MOV10L1: variants seen among roughly 807,000 people sequenced by gnomAD.
The protein encoded by MOV10L1 is RNA helicase Mov10l1.
In MOV10L1, 110 loss-of-function variants were observed where a neutral mutation model predicts 143.8. The ratio of observed to expected loss-of-function variants is 0.76; its 90% CI spans 0.66 to 0.90. The LOEUF (loss-of-function observed/expected upper bound fraction) is 0.90, where lower values mean the gene tolerates loss of function less well. Among genes scored for constraint, MOV10L1 ranks in the 40% least tolerant of loss-of-function variants. The pLI is 0.00. For missense variants in MOV10L1, 1,406 were observed against 1,526.8 expected (o/e 0.92, Z 1.32); for synonymous variants, 593 against 581.1 (o/e 1.02, Z -0.29).
chr22:50,110,790 G>A, intron 5 of MOV10L1, among the ~76,000 whole-genome samples: 1 of 152,072 alleles, frequency 6.6e-6, no homozygotes, highest in South Asian at 2.1e-4. Context: ...AATTAGCCAG[G>A]CGTGGCAGCG....
rs987580851 is a variant in MOV10L1 at position 50,159,033 on chromosome 22, C to T, written c.3217-645C>T. On this transcript the variant is annotated intron_variant, in intron 23 of 26. Coordinates refer to ENST00000262794, the MANE Select transcript of MOV10L1 (RefSeq NM_018995.3). This position sits in a 1 kb window ranked among gnomAD's most constrained non-coding sequence, Gnocchi z 4.1. ...GCTTGTAGGTGCCATCCTGCTGAGA[C>T]ATCCAGCTTAGAGCTGCCATCCTCA... The T allele has an allele frequency of 5.9e-5, 9 of 152,162 alleles. No individual in the cohort carries two copies. Among genetic ancestry groups the T allele is most frequent in the Admixed American group, 2.0e-4 (3 of 15,276 alleles). 9.4% of individuals were successfully genotyped at this position (152,162 alleles called of 1,614,324 possible).
In MOV10L1 at chr22:50,159,868, C is replaced by T; in HGVS notation, c.3324+83C>T. 2 of 864,892 alleles carry T rather than the reference C, an allele frequency of 2.3e-6. No homozygotes were observed. Among genetic ancestry groups the T allele is most frequent in the East Asian group, 2.5e-5 (1 of 40,112 alleles). The allele number at this position is 864,892 out of a possible 1,614,324, so 53.6% of individuals were successfully genotyped here. On this transcript the variant is annotated intron_variant, in intron 24 of 26. Transcript: ENST00000262794. The surrounding 1 kb of genome is among the most constrained non-coding windows in gnomAD (Gnocchi z 4.1). ...TCTGGGGGCTTCAGATCTAAAGGGG[C>T]AGAGGCTGATTCCCAGCCCAGAGAA...
chr22:50,129,020 C>T (rs909765495), intron 13 of MOV10L1, among the ~76,000 whole-genome samples: 1 of 152,120 alleles, frequency 6.6e-6, no homozygotes, highest in African/African-American at 2.4e-5. Context: ...TGTCTGTTGA[C>T]ATCTAAGTAG....
intron 9 of MOV10L1, among the ~76,000 whole-genome samples, chr22:50,119,212 G>A (rs942022347): frequency 4.6e-5 from 7 of 152,160 alleles, no homozygotes; most frequent in African/African-American, 7.2e-5. Flanking sequence ...GTGTGGGAGC[G>A]TATCTAAAAC....
chr22:50,090,152 G>T lies in MOV10L1; in HGVS notation c.64G>T (p.Glu22Ter). ...GAGGACGGCGGACACCCCTAGGGAG[G>T]AAGCCGGGCAGCTGGAGCCCGAGCT... is the stretch of plus-strand genomic sequence containing the variant. ...FWRTADTPRE[E>*]AGQLEPELAE... Residue 22 changes from glutamate (E) to a stop codon, truncating the protein, a stop_gained, in exon 1 of 27, where the codon GAA becomes TAA. Coordinates refer to ENST00000262794, the MANE Select transcript of MOV10L1 (RefSeq NM_018995.3). LOFTEE classifies it high-confidence loss of function. The T allele has an allele frequency of 7.0e-7, 1 of 1,422,064 alleles. No individual in the cohort carries two copies. The highest frequency in any genetic ancestry group is 9.2e-7 in the Non-Finnish European group (1 of 1,090,044). The allele number at this position is 1,422,064 out of a possible 1,614,324, so 88.1% of individuals were successfully genotyped here.
chr22:50,114,029 C>T (rs1384628001), intron 6 of MOV10L1, among the ~76,000 whole-genome samples: 1 of 151,134 alleles, frequency 6.6e-6, no homozygotes, highest in Non-Finnish European at 1.5e-5. Flanking sequence ...CACCATTCTC[C>T]TGCCTCAGCC....
intron 22 of MOV10L1, 112 bp from the exon 23 acceptor site, chr22:50,157,945 T>A: frequency 7.7e-6 from 10 of 1,290,434 alleles, no homozygotes; most frequent in Non-Finnish European, 1.1e-5. Context: ...AGAGCAGGGA[T>A]TTATTCTGTC....
In MOV10L1 at chr22:50,153,107, G is replaced by A; in HGVS notation, c.2955G>A (p.Leu985=). The change falls in exon 22 of 27, where the codon CTG becomes CTA. Residue 985 remains leucine, a synonymous_variant. Coordinates refer to ENST00000262794, the MANE Select transcript of MOV10L1 (RefSeq NM_018995.3). ...HEALLMLPSR[L]FYHRELEVCA... ...CCCTGCTGATGCTGCCCTCACGGCT[G>A]TTCTACCACAGGGAACTCGAGGTCT... 1.2e-6 allele frequency: 2 copies of A among 1,613,724 alleles called. No homozygotes were observed. Among genetic ancestry groups the A allele is most frequent in the Non-Finnish European group, 1.7e-6 (2 of 1,179,624 alleles).
At position 50,152,303 on chromosome 22, in the gene MOV10L1, C is replaced by T. The variant is rs2063322292; in HGVS notation, c.2893-742C>T. The stretch of plus-strand genomic sequence containing the variant: ...ATTGCATAGAGAGGACGGCTCCCCG[C>T]GGCACAGACGCAGCGAGTCCTCATG... On this transcript the variant is annotated intron_variant, in intron 21 of 26. Transcript: ENST00000262794. This position sits in a 1 kb window ranked among gnomAD's most constrained non-coding sequence, Gnocchi z 4.4. Among the ~76,000 whole-genome samples the T allele has an allele frequency of 3.9e-5, 6 of 152,316 alleles. No homozygotes were observed. The South Asian group carries it at 8.3e-4, about 21-fold the overall frequency.
Position 50,113,635 on chromosome 22 carries a change from G to T in MOV10L1, c.744-13G>T. On this transcript the variant is annotated splice_polypyrimidine_tract_variant and intron_variant, in intron 5 of 26. Transcript: ENST00000262794. ...TGCTGCAGAGGGATGTCTTTCTGGGGCTCTTTTTTCAGAGACGCCGCCCCT... is the reference window on the plus strand; with the variant it reads ...TGCTGCAGAGGGATGTCTTTCTGGGTCTCTTTTTTCAGAGACGCCGCCCCT... The T allele has an allele frequency of 6.2e-7, 1 of 1,611,834 alleles. No individual in the cohort carries two copies. Among genetic ancestry groups the T allele is most frequent in the Non-Finnish European group, 8.5e-7 (1 of 1,179,060 alleles).
rs2062664070 is a variant in MOV10L1 at position 50,131,100 on chromosome 22, G to A, written c.1910+2593G>A. On this transcript the variant is annotated intron_variant, in intron 13 of 26. Coordinates refer to ENST00000262794, the MANE Select transcript of MOV10L1 (RefSeq NM_018995.3). ...TTTTTTTTGTATTTTTAGTGAGACG[G>A]GGTTTCACTGTGTTAGCCAGAATGG... 2.0e-5 allele frequency among the ~76,000 whole-genome samples: 3 copies of A among 150,814 alleles called. No individual in the cohort carries two copies. The South Asian group carries it at 6.4e-4, about 32-fold the overall frequency.
chr22:50,123,402 T>C (rs1415109329), intron 10 of MOV10L1, among the ~76,000 whole-genome samples: 1 of 152,180 alleles, frequency 6.6e-6, no homozygotes, highest in Non-Finnish European at 1.5e-5. Context: ...TCTCACTGTG[T>C]TGCCCAGGCT....
At chr22:50,161,165 C>T (rs1167161508) in intron 26 of MOV10L1, 110 bp downstream of exon 26, 4 of 1,226,516 alleles carry the variant, frequency 3.3e-6, no homozygotes, top group Non-Finnish European at 4.7e-6. Flanking sequence ...GCAGCCTTAG[C>T]CCTCTGCCGG....
intron 15 of MOV10L1, 81 bp from the exon 16 acceptor site, chr22:50,142,000 A>G: frequency 9.7e-7 from 1 of 1,033,972 alleles, no homozygotes; most frequent in Non-Finnish European, 1.4e-6. Flanking sequence ...AGAACACTAG[A>G]TGTTTACGTT....
intron 15 of MOV10L1, among the ~76,000 whole-genome samples, chr22:50,138,846 G>A (rs551261774): frequency 2.9e-4 from 44 of 152,178 alleles, no homozygotes; most frequent in Non-Finnish European, 5.9e-4. Flanking sequence ...TGGGATTATA[G>A]GTGCGTGCCA....
At position 50,092,183 on chromosome 22, in the gene MOV10L1, A is replaced by ATGAT; in HGVS notation, c.280_281insTGAT (p.Arg94MetfsTer8). 6.2e-7 allele frequency: 1 copy of ATGAT among 1,612,024 alleles called. No individual in the cohort carries two copies. Among genetic ancestry groups the ATGAT allele is most frequent in the Non-Finnish European group, 8.5e-7 (1 of 1,179,076 alleles). On this transcript the variant is annotated frameshift_variant and splice_region_variant, in exon 2 of 27. Transcript: ENST00000262794. LOFTEE classifies it high-confidence loss of function. ...AGTGTCCAATGGACTGAAAGCAATC[A>ATGAT]GGGTAAGGTTTGAGTTCATTTGGGA...
chr22:50,120,889 GA>G (rs2062321762), intron 10 of MOV10L1, among the ~76,000 whole-genome samples: 1 of 152,220 alleles, frequency 6.6e-6, no homozygotes, highest in Admixed American at 6.5e-5. Context: ...AGAACTGAGG[GA>G]TACCTCTGCC....
chr22:50,119,016 G>T (rs1271888295), intron 9 of MOV10L1, among the ~76,000 whole-genome samples: 1 of 152,186 alleles, frequency 6.6e-6, no homozygotes, highest in Non-Finnish European at 1.5e-5. Flanking sequence ...GCCAGGCAGA[G>T]CAGAGTCCCC....
At position 50,160,676 on chromosome 22, in the gene MOV10L1, G is replaced by T; in HGVS notation, c.3325-12G>T. 6.2e-7 allele frequency: 1 copy of T among 1,610,578 alleles called. No homozygotes were observed. Among genetic ancestry groups the T allele is most frequent in the Non-Finnish European group, 8.5e-7 (1 of 1,178,278 alleles). ...TCAAGTGCCATTTTTATTCATCTCT[G>T]TGTGCTTTTAGGTACGGTCAAATGA... On this transcript the variant is annotated splice_polypyrimidine_tract_variant and intron_variant, in intron 24 of 26. Coordinates refer to ENST00000262794, the MANE Select transcript of MOV10L1 (RefSeq NM_018995.3).
Sources: gnomAD v4.1 joint callset for allele counts (sites outside exome capture counted in the v4.1 genomes callset) on GRCh38, gnomAD v4.1.1 for gene constraint, Gnocchi (gnomAD v3.1) non-coding constraint, MANE v1.5 for transcripts, NCBI Gene and HGNC (gene_info 2026-07-23, HGNC 2026-07-21) for gene names.